ARHGEF28: variants seen among roughly 807,000 people sequenced by gnomAD.
The protein encoded by ARHGEF28 is 190 kDa guanine nucleotide exchange factor.
ARHGEF28 carries 152 observed loss-of-function variants against 206.6 expected under a neutral mutation model. The ratio of observed to expected loss-of-function variants is 0.74; its 90% confidence interval spans 0.64 to 0.84. The LOEUF (loss-of-function observed/expected upper bound fraction) is 0.84. ARHGEF28 is among the 40% of genes least tolerant of loss of function. The probability of loss-of-function intolerance (pLI) is 0.00; values close to 1 mark genes in which losing one functional copy is unlikely to be tolerated. For missense variants in ARHGEF28, 2,028 were observed against 2,073.2 expected, an observed-to-expected ratio of 0.98 and a Z score of 0.42; for synonymous variants, 763 against 776.4, an observed-to-expected ratio of 0.98 and a Z score of 0.29.
At chr5:73,694,639 A>G (rs1748071482) in intron 2 of ARHGEF28, among the ~76,000 whole-genome samples, 1 of 152,192 alleles carries the variant, frequency 6.6e-6, no homozygotes, top group South Asian at 2.1e-4. Context: ...ATTTAGCTAT[A>G]CTACCTTCTC....
rs563656648 is a variant in ARHGEF28, at chr5:73,935,950, C to A, written c.4949-4894C>A. ...AATGGCAGACTAAACATGCTTTGTGCAGCCCTGGGCTTCTGGGTGCCTGGC... is the reference window on the plus strand; with the variant it reads ...AATGGCAGACTAAACATGCTTTGTGAAGCCCTGGGCTTCTGGGTGCCTGGC... On this transcript the variant is annotated intron_variant, in intron 35 of 35. Coordinates refer to ENST00000513042, the MANE Select transcript of ARHGEF28 (RefSeq NM_001177693.2). Among the ~76,000 whole-genome samples the A allele has an allele frequency of 3.3e-5, 5 of 152,288 alleles. No homozygotes were observed. In the East Asian group the frequency reaches 7.7e-4, roughly 24 times the overall value.
chr5:73,809,467 C>G (rs1580648093), intron 9 of ARHGEF28, among the ~76,000 whole-genome samples: 1 of 152,126 alleles, frequency 6.6e-6, no homozygotes, highest in Non-Finnish European at 1.5e-5. Context: ...TTATTTGAAC[C>G]CGGATATCTG....
At chr5:73,786,975 A>G (rs547302465) in intron 7 of ARHGEF28, among the ~76,000 whole-genome samples, 1 of 152,332 alleles carries the variant, frequency 6.6e-6, no homozygotes, top group East Asian at 1.9e-4. Context: ...TGTGAAATGT[A>G]GAGAGAGTTG....
intron 11 of ARHGEF28, among the ~76,000 whole-genome samples, chr5:73,844,408 T>C (rs1758172764): frequency 6.6e-6 from 1 of 152,176 alleles, no homozygotes. Context: ...CTCAGATTGT[T>C]GTACTAGGAA....
At chr5:73,885,352 TTACTG>T (rs1470196110) in intron 24 of ARHGEF28, among the ~76,000 whole-genome samples, 1 of 152,204 alleles carries the variant, frequency 6.6e-6, no homozygotes, top group African/African-American at 2.4e-5. Flanking sequence ...CTCAGACATC[TTACTG>T]TCAGCGGAAG....
intron 9 of ARHGEF28, among the ~76,000 whole-genome samples, chr5:73,821,727 C>G (rs1204881451): frequency 6.6e-6 from 1 of 152,056 alleles, no homozygotes; most frequent in Admixed American, 6.6e-5. Context: ...GACTAATTTG[C>G]TTTAGGCCTT....
At chr5:73,906,856 T>C (rs919373945) in intron 33 of ARHGEF28, among the ~76,000 whole-genome samples, 1 of 152,214 alleles carries the variant, frequency 6.6e-6, no homozygotes, top group African/African-American at 2.4e-5. Flanking sequence ...GGGGTACTTA[T>C]ATTGTAACTG....
intron 13 of ARHGEF28, 58 bp from the exon 14 acceptor site, chr5:73,852,592 A>G: frequency 2.0e-6 from 3 of 1,491,534 alleles, no homozygotes; most frequent in South Asian, 2.3e-5. Flanking sequence ...TTTCAGACTA[A>G]CATATGACTG....
chr5:73,802,870 C>CTGTG (rs561505395), intron 9 of ARHGEF28, among the ~76,000 whole-genome samples: 1,443 of 122,090 alleles, frequency 0.012, 23 homozygotes, highest in Admixed American at 0.035. Context: ...AGCTCGATTG[C>CTGTG]TGTGTGTGTG....
At chr5:73,768,427 C>T (rs896530139) in intron 4 of ARHGEF28, among the ~76,000 whole-genome samples, 29 of 152,188 alleles carry the variant, frequency 1.9e-4, no homozygotes, top group African/African-American at 6.0e-4. Context: ...TGGGAAACCA[C>T]CTCTTGCATC....
At chr5:73,747,369 A>G (rs2112390512) in intron 2 of ARHGEF28, among the ~76,000 whole-genome samples, 1 of 152,280 alleles carries the variant, frequency 6.6e-6, no homozygotes, top group South Asian at 2.1e-4. Flanking sequence ...GGTTAGAAAG[A>G]TCCCACTCTT....
At chr5:73,650,284 T>C (rs983063760) in intron 1 of ARHGEF28, among the ~76,000 whole-genome samples, 15 of 139,906 alleles carry the variant, frequency 1.1e-4, no homozygotes, top group Middle Eastern at 3.5e-3. Context: ...TTTCTTTTTT[T>C]TTTTTTTTTT....
chr5:73,693,722 T>C (rs1747995513), intron 2 of ARHGEF28, among the ~76,000 whole-genome samples: 7 of 152,262 alleles, frequency 4.6e-5, no homozygotes, highest in Admixed American at 3.3e-4. Context: ...TCTCAGAGGA[T>C]TGCCACCTGC....
chr5:73,691,220 G>A (rs923354046), intron 2 of ARHGEF28, among the ~76,000 whole-genome samples: 3 of 152,154 alleles, frequency 2.0e-5, no homozygotes, highest in African/African-American at 7.2e-5. Flanking sequence ...ATGAGCCACT[G>A]TGCCCAGTGA....
intron 4 of ARHGEF28, 98 bp from the exon 5 acceptor site, chr5:73,773,757 T>G: frequency 8.6e-7 from 1 of 1,166,150 alleles, no homozygotes; most frequent in South Asian, 1.9e-5. Flanking sequence ...AACTCTGACA[T>G]TCTTATTATG....
intron 34 of ARHGEF28, among the ~76,000 whole-genome samples, chr5:73,910,324 T>G (rs1473630074): frequency 5.4e-5 from 7 of 129,484 alleles, no homozygotes; most frequent in Non-Finnish European, 4.6e-5. Flanking sequence ...GAGGTTGCAG[T>G]GAGCCGAGAT....
chr5:73,886,293 T>G (rs1761291145), intron 25 of ARHGEF28, among the ~76,000 whole-genome samples, 189 bp downstream of exon 25: 1 of 152,248 alleles, frequency 6.6e-6, no homozygotes, highest in African/African-American at 2.4e-5. Context: ...GGTGGGAGTT[T>G]GCTGCCCAAG....
At chr5:73,735,603 A>G (rs1750873457) in intron 2 of ARHGEF28, among the ~76,000 whole-genome samples, 1 of 152,218 alleles carries the variant, frequency 6.6e-6, no homozygotes, top group Non-Finnish European at 1.5e-5. Flanking sequence ...ACTGTAGCTC[A>G]AGGAAAGCCA....
At chr5:73,767,481 G>C (rs928202270) in intron 4 of ARHGEF28, among the ~76,000 whole-genome samples, 1 of 152,144 alleles carries the variant, frequency 6.6e-6, no homozygotes, top group Non-Finnish European at 1.5e-5. Context: ...TGAGGAACTT[G>C]TTGAGAACTG....
Sources: gnomAD v4.1 joint callset for allele counts (sites outside exome capture counted in the v4.1 genomes callset) on GRCh38, gnomAD v4.1.1 for gene constraint, MANE v1.5 for transcripts, NCBI Gene and HGNC (gene_info 2026-07-23, HGNC 2026-07-21) for gene names.